DLG2: variants seen among roughly 807,000 people sequenced by gnomAD.
DLG2 encodes the protein discs large MAGUK scaffold protein 2.
A neutral mutation model predicts 132.5 loss-of-function variants in DLG2; 45 were observed. That is an observed-to-expected ratio of 0.34 (90% confidence interval 0.27 to 0.44). The LOEUF is 0.44. DLG2 is among the 20% of genes least tolerant of loss of function. The pLI is 1.00. For missense variants in DLG2, 1,045 were observed against 1,196.9 expected (o/e 0.87, Z 1.87); for synonymous variants, 424 against 419.6 (o/e 1.01, Z -0.13).
intron 5 of DLG2, among the ~76,000 whole-genome samples, chr11:85,130,510 A>G (rs1480012777): frequency 6.6e-6 from 1 of 152,206 alleles, no homozygotes; most frequent in South Asian, 2.1e-4. Flanking sequence ...TCCTGCCACT[A>G]AAAACTTGAC....
chr11:83,851,176 CAA>C lies in DLG2; in HGVS notation c.1566-17408_1566-17407del, dbSNP rs34436884. Reference sequence around the variant, plus strand: ...TGGGTGACAGAGTGAGACTCCGTCTCAAAAAAAAAAAAAAAGAATTTTTGAAG... The same window carrying C: ...TGGGTGACAGAGTGAGACTCCGTCTCAAAAAAAAAAAAAGAATTTTTGAAG... On this transcript the variant is annotated intron_variant, in intron 16 of 27. Transcript: ENST00000376104. Among the ~76,000 whole-genome samples, 790 of 129,970 alleles carry C rather than the reference CAA, an allele frequency of 6.1e-3. 7 individuals carry two copies. Among genetic ancestry groups the C allele is most frequent in the African/African-American group, 0.015 (528 of 35,460 alleles). The allele number at this position is 129,970 out of a possible 152,430, so 85.3% of individuals were successfully genotyped here.
chr11:84,089,306 A>C (rs1293698146), intron 10 of DLG2, among the ~76,000 whole-genome samples: 3 of 152,184 alleles, frequency 2.0e-5, no homozygotes, highest in African/African-American at 7.2e-5. Context: ...AAAAAAACCA[A>C]GCTGAGCTTT....
At chr11:84,065,697 A>T (rs114571068) in intron 10 of DLG2, among the ~76,000 whole-genome samples, 2,633 of 152,326 alleles carry the variant, frequency 0.017, 74 homozygotes, top group African/African-American at 0.06. Context: ...CATTCAACCT[A>T]GAAATCCCCT....
At chr11:85,059,327 T>G (rs556301294) in intron 6 of DLG2, among the ~76,000 whole-genome samples, 27 of 151,636 alleles carry the variant, frequency 1.8e-4, no homozygotes, top group African/African-American at 6.3e-4. Flanking sequence ...AGTATAGATT[T>G]GTATAATCAC....
chr11:84,633,033 G>A (rs1333700050), intron 6 of DLG2, among the ~76,000 whole-genome samples: 1 of 152,144 alleles, frequency 6.6e-6, no homozygotes, highest in Non-Finnish European at 1.5e-5. Flanking sequence ...CTCCTGAGAT[G>A]AAAAGAAGAA....
chr11:85,020,470 T>G (rs992564993), intron 6 of DLG2, among the ~76,000 whole-genome samples: 1 of 152,208 alleles, frequency 6.6e-6, no homozygotes, highest in Non-Finnish European at 1.5e-5. Flanking sequence ...TTTAGTTAGA[T>G]CCCATTTGTC....
intron 15 of DLG2, among the ~76,000 whole-genome samples, chr11:83,918,840 C>CA (rs11317490): frequency 8.0e-5 from 12 of 150,828 alleles, no homozygotes; most frequent in Non-Finnish European, 1.6e-4. Flanking sequence ...AAATCTTGGT[C>CA]AAAAAAAAAA....
At chr11:83,525,834 C>T (rs1346039203) in intron 21 of DLG2, among the ~76,000 whole-genome samples, 2 of 152,178 alleles carry the variant, frequency 1.3e-5, no homozygotes, top group Admixed American at 1.3e-4. Flanking sequence ...GAAGCTGTGA[C>T]AAAATCAATC....
intron 4 of DLG2, among the ~76,000 whole-genome samples, chr11:85,209,595 C>CTTTTTTTTTTTTTTT: frequency 8.6e-6 from 1 of 116,944 alleles, no homozygotes; most frequent in South Asian, 2.8e-4. Context: ...ACCCAGCTAA[C>CTTTTTTTTTTTTTTT]TTTTTTTTTT....
intron 6 of DLG2, among the ~76,000 whole-genome samples, chr11:84,885,570 C>T (rs2088130345): frequency 6.6e-6 from 1 of 152,016 alleles, no homozygotes; most frequent in Non-Finnish European, 1.5e-5. Flanking sequence ...AATTCTTGGT[C>T]CTGCATATTA....
intron 7 of DLG2, among the ~76,000 whole-genome samples, chr11:84,330,070 C>T (rs1251153791): frequency 6.6e-6 from 1 of 152,052 alleles, no homozygotes; most frequent in Non-Finnish European, 1.5e-5. Flanking sequence ...AAGTACTTAG[C>T]ACATTACCTG....
chr11:84,464,413 G>T (rs1243225637), intron 7 of DLG2, among the ~76,000 whole-genome samples: 2 of 151,168 alleles, frequency 1.3e-5, no homozygotes, highest in Non-Finnish European at 3.0e-5. Context: ...CCCTAGCTTT[G>T]TAAGAATCTA....
intron 7 of DLG2, among the ~76,000 whole-genome samples, chr11:84,266,012 C>T (rs1007672016): frequency 1.3e-5 from 2 of 152,032 alleles, no homozygotes; most frequent in Non-Finnish European, 2.9e-5. Context: ...TCTATTTTTG[C>T]AATTTCTGGG....
intron 11 of DLG2, among the ~76,000 whole-genome samples, chr11:83,995,216 A>G (rs1465572613): frequency 2.6e-5 from 4 of 152,140 alleles, no homozygotes; most frequent in African/African-American, 9.7e-5. Flanking sequence ...TCACAGACCA[A>G]TGTGGAAAGA....
chr11:85,506,421 G>C (rs1205020423), intron 3 of DLG2, among the ~76,000 whole-genome samples: 1 of 152,096 alleles, frequency 6.6e-6, no homozygotes, highest in Non-Finnish European at 1.5e-5. Flanking sequence ...TTGTGTCTTT[G>C]TTCTCATTGG....
At chr11:84,343,116 T>C in intron 7 of DLG2, among the ~76,000 whole-genome samples, 1 of 152,076 alleles carries the variant, frequency 6.6e-6, no homozygotes. Context: ...ACAGAGGAAA[T>C]AACTGTCTGG....
intron 10 of DLG2, among the ~76,000 whole-genome samples, chr11:84,066,599 A>C (rs561876126): frequency 5.9e-5 from 9 of 152,218 alleles, no homozygotes; most frequent in Admixed American, 2.0e-4. Flanking sequence ...GTCTGTGCTA[A>C]AAATACAAAA....
intron 9 of DLG2, among the ~76,000 whole-genome samples, chr11:84,142,617 G>T (rs2094902920): frequency 6.6e-6 from 1 of 152,090 alleles, no homozygotes; most frequent in Admixed American, 6.6e-5. Context: ...CCTCACCAAT[G>T]CGGGTGAGAG....
At chr11:84,953,213 C>T (rs2051189097) in intron 6 of DLG2, among the ~76,000 whole-genome samples, 1 of 152,098 alleles carries the variant, frequency 6.6e-6, no homozygotes, top group South Asian at 2.1e-4. Flanking sequence ...CCTATAGTTC[C>T]TGGTCATCTG....
Sources: gnomAD v4.1 joint callset for allele counts (sites outside exome capture counted in the v4.1 genomes callset) on GRCh38, gnomAD v4.1.1 for gene constraint, MANE v1.5 for transcripts, NCBI Gene and HGNC (gene_info 2026-07-23, HGNC 2026-07-21) for gene names.